KRABD5: variants seen among roughly 807,000 people sequenced by gnomAD.
KRABD5 encodes the protein KRAB domain-containing protein 5.
chr16:31,733,752 T>C, the KRABD5 span: 1 of 399,008 alleles, frequency 2.5e-6, no homozygotes, highest in Non-Finnish European at 5.1e-6. Context: ...TCAGTAATGT[T>C]CTGTTGTGTA....
the KRABD5 span, chr16:31,759,781 A>T: frequency 5.8e-6 from 1 of 173,464 alleles, no homozygotes; most frequent in African/African-American, 2.4e-5. Context: ...GTAGGAGTAA[A>T]GCTGGTTCTA....
the KRABD5 span, among the ~76,000 whole-genome samples, chr16:31,733,203 A>C: frequency 6.6e-6 from 1 of 152,200 alleles, no homozygotes; most frequent in Admixed American, 6.5e-5. Context: ...TACTTTGTTC[A>C]TGACTTATCT....
At chr16:31,724,616 T>C in the KRABD5 span, among the ~76,000 whole-genome samples, 2 of 149,668 alleles carry the variant, frequency 1.3e-5, no homozygotes, top group East Asian at 4.0e-4. Context: ...GGTGTGAACC[T>C]GGGAGGCGGA....
the KRABD5 span, among the ~76,000 whole-genome samples, chr16:31,750,855 G>C: frequency 6.6e-6 from 1 of 152,010 alleles, no homozygotes; most frequent in African/African-American, 2.4e-5. Flanking sequence ...CGCCTCCTGG[G>C]TTCAAATTAT....
At chr16:31,751,719 T>A in the KRABD5 span, among the ~76,000 whole-genome samples, 1 of 152,206 alleles carries the variant, frequency 6.6e-6, no homozygotes, top group Non-Finnish European at 1.5e-5. Flanking sequence ...AAGAACCAAC[T>A]TTTGGTTTTG....
chr16:31,745,390 G>A, the KRABD5 span, among the ~76,000 whole-genome samples: 2 of 152,066 alleles, frequency 1.3e-5, no homozygotes, highest in Non-Finnish European at 2.9e-5. Flanking sequence ...CAGGAATCAT[G>A]CAGGAGCAGG....
chr16:31,736,219 A>G, the KRABD5 span, among the ~76,000 whole-genome samples: 2 of 152,210 alleles, frequency 1.3e-5, no homozygotes, highest in East Asian at 3.9e-4. Context: ...AGGAGCATGA[A>G]TTTATTTATG....
chr16:31,750,956 C>T, the KRABD5 span, among the ~76,000 whole-genome samples: 13 of 152,200 alleles, frequency 8.5e-5, no homozygotes, highest in South Asian at 2.1e-4. Flanking sequence ...GACAGGGTTT[C>T]GCCATGTTGG....
chr16:31,723,950 C>T, the KRABD5 span, among the ~76,000 whole-genome samples: 721 of 152,202 alleles, frequency 4.7e-3, 9 homozygotes, highest in African/African-American at 0.016. Flanking sequence ...TTCATCTTTC[C>T]TAGCCTAAAC....
chr16:31,723,272 A>G, the KRABD5 span: 2 of 1,613,868 alleles, frequency 1.2e-6, no homozygotes, highest in Non-Finnish European at 1.7e-6. Context: ...CGCTGTCTCT[A>G]AGCCGGACCT....
the KRABD5 span, among the ~76,000 whole-genome samples, chr16:31,730,880 G>T: frequency 6.6e-6 from 1 of 151,762 alleles, no homozygotes; most frequent in Non-Finnish European, 1.5e-5. Context: ...TTTCTATCTG[G>T]TTCCTTTTAA....
At chr16:31,753,808 T>A in the KRABD5 span, 12 of 1,544,800 alleles carry the variant, frequency 7.8e-6, no homozygotes, top group Non-Finnish European at 9.6e-6. Flanking sequence ...AGAAAGAAGC[T>A]TATAGAAGCA....
the KRABD5 span, among the ~76,000 whole-genome samples, chr16:31,750,082 G>C: frequency 6.6e-6 from 1 of 152,062 alleles, no homozygotes; most frequent in Non-Finnish European, 1.5e-5. Context: ...GAAAAATGAC[G>C]TTGGTAGTTT....
chr16:31,720,692 T>C, the KRABD5 span, among the ~76,000 whole-genome samples: 1 of 152,194 alleles, frequency 6.6e-6, no homozygotes, highest in Non-Finnish European at 1.5e-5. Flanking sequence ...CGATGCTAAC[T>C]TCATTCACCT....
the KRABD5 span, among the ~76,000 whole-genome samples, chr16:31,752,174 T>C: frequency 6.6e-6 from 1 of 152,136 alleles, no homozygotes; most frequent in Non-Finnish European, 1.5e-5. Context: ...TCTGGCTGAG[T>C]GTATAGGGTC....
At chr16:31,757,147 T>A in the KRABD5 span, 2 of 152,200 alleles carry the variant, frequency 1.3e-5, no homozygotes, top group Non-Finnish European at 2.9e-5. Flanking sequence ...TAAGTTCTCA[T>A]GGATTTTAAG....
At chr16:31,735,043 C>G in the KRABD5 span, among the ~76,000 whole-genome samples, 2 of 152,066 alleles carry the variant, frequency 1.3e-5, no homozygotes, top group African/African-American at 2.4e-5. Context: ...GCCACTGTGC[C>G]CTGCCCGCCT....
the KRABD5 span, chr16:31,754,041 G>A: frequency 9.9e-7 from 1 of 1,011,950 alleles, no homozygotes; most frequent in South Asian, 1.4e-5. Flanking sequence ...TAAACCATGT[G>A]TTTCTGTAAG....
the KRABD5 span, chr16:31,756,654 G>A: frequency 2.0e-5 from 3 of 152,010 alleles, no homozygotes; most frequent in African/African-American, 7.3e-5. Flanking sequence ...TTATAATAAA[G>A]ATTATATGGG....
Sources: gnomAD v4.1 joint callset for allele counts (sites outside exome capture counted in the v4.1 genomes callset) on GRCh38, gnomAD v4.1.1 for gene constraint, MANE v1.5 for transcripts, NCBI Gene and HGNC (gene_info 2026-07-23, HGNC 2026-07-21) for gene names.